Variants in UST observed in about 807,000 individuals in gnomAD.
The protein encoded by UST is chondroitin sulfate 2-O-sulfotransferase.
In UST, 21 loss-of-function variants were observed where a neutral mutation model predicts 45.6. That is an observed-to-expected ratio of 0.46 (90% confidence interval 0.33 to 0.66). The LOEUF (loss-of-function observed/expected upper bound fraction) is 0.66, where lower values mean the gene tolerates loss of function less well. Among genes scored for constraint, UST ranks in the 30% least tolerant of loss-of-function variants. The pLI, the probability that UST is intolerant of heterozygous loss-of-function variation, is 0.02. For synonymous variants in UST, 215 were observed against 200.6 expected (o/e 1.07, Z -0.61); for missense variants, 463 against 512.4 (o/e 0.90, Z 0.93).
intron 1 of UST, among the ~76,000 whole-genome samples, chr6:148,854,872 G>C (rs1181412970): frequency 2.0e-5 from 3 of 152,140 alleles, no homozygotes; most frequent in Non-Finnish European, 4.4e-5. Flanking sequence ...TATTCGCTAG[G>C]GGTCTGTGTT....
chr6:148,913,603 T>C (rs1779521951), intron 2 of UST, among the ~76,000 whole-genome samples: 2 of 152,086 alleles, frequency 1.3e-5, no homozygotes, highest in Non-Finnish European at 2.9e-5. Context: ...GTAGTTATCC[T>C]TTTCTTAGGA....
intron 5 of UST, chr6:148,990,353 T>G (rs1562322595): frequency 4.1e-6 from 4 of 980,346 alleles, no homozygotes; most frequent in Non-Finnish European, 4.8e-6. Context: ...ATGAGATCTT[T>G]CTTTCTTTTA....
chr6:148,964,453 C>A lies in UST; in HGVS notation c.571C>A (p.Pro191Thr). 6.2e-7 allele frequency: 1 copy of A among 1,614,102 alleles called. No individual in the cohort carries two copies. Among genetic ancestry groups the A allele is most frequent in the Non-Finnish European group, 8.5e-7 (1 of 1,180,030 alleles). The part of the protein sequence containing the change: ...QPVYINIIRD[P>T]VNRFLSNYFF... Reference sequence around the variant, plus strand: ...TGTCTACATCAACATCATTAGAGACCCCGTCAACCGGTTCTTATCCAACTA... The same window carrying A: ...TGTCTACATCAACATCATTAGAGACACCGTCAACCGGTTCTTATCCAACTA... Residue 191 changes from proline to threonine, a missense_variant, in exon 5 of 8, where the codon CCC (proline) becomes ACC (threonine). Coordinates refer to ENST00000367463, the MANE Select transcript of UST (RefSeq NM_005715.3).
intron 5 of UST, among the ~76,000 whole-genome samples, chr6:148,965,335 TG>T (rs1226003675): frequency 1.3e-5 from 2 of 152,188 alleles, no homozygotes; most frequent in East Asian, 3.9e-4. Context: ...GCTGACAGCC[TG>T]GTGCCCAGGA....
intron 2 of UST, among the ~76,000 whole-genome samples, chr6:148,916,330 G>A (rs1779589748): frequency 6.6e-6 from 1 of 152,210 alleles, no homozygotes; most frequent in Non-Finnish European, 1.5e-5. Context: ...GCACTATGCT[G>A]TATTGTAATA....
intron 2 of UST, among the ~76,000 whole-genome samples, chr6:148,932,520 TA>T (rs1452386500): frequency 6.6e-6 from 1 of 152,216 alleles, no homozygotes; most frequent in Admixed American, 6.5e-5. Context: ...CTCATATGTA[TA>T]TTTTTTTCAT....
chr6:148,901,408 T>C (rs541763559), intron 2 of UST, among the ~76,000 whole-genome samples: 76 of 152,256 alleles, frequency 5.0e-4, no homozygotes, highest in Middle Eastern at 6.8e-3. Flanking sequence ...ATAGCTTATA[T>C]AGCTCAGGGA....
intron 2 of UST, among the ~76,000 whole-genome samples, chr6:148,892,919 T>C (rs992445233): frequency 6.6e-6 from 1 of 152,190 alleles, no homozygotes; most frequent in African/African-American, 2.4e-5. Flanking sequence ...GCTGGACCCA[T>C]ATGGTAGTTG....
intron 5 of UST, among the ~76,000 whole-genome samples, chr6:148,974,427 G>A (rs57016453): frequency 0.045 from 6,908 of 152,160 alleles, 506 homozygotes; most frequent in African/African-American, 0.16. Flanking sequence ...AACAAACAAC[G>A]TTTGTTCCCT....
intron 7 of UST, among the ~76,000 whole-genome samples, chr6:149,057,081 A>G (rs1582980595): frequency 6.6e-6 from 1 of 152,354 alleles, no homozygotes; most frequent in East Asian, 1.9e-4. Context: ...TAAAACAAAA[A>G]ATGCAATAGG....
At chr6:148,977,352 T>C (rs1274451415) in intron 5 of UST, among the ~76,000 whole-genome samples, 1 of 152,098 alleles carries the variant, frequency 6.6e-6, no homozygotes, top group Non-Finnish European at 1.5e-5. Context: ...TATTTATATA[T>C]ACATTTTATT....
chr6:149,025,009 A>T (rs1776030774), intron 7 of UST, among the ~76,000 whole-genome samples: 1 of 152,222 alleles, frequency 6.6e-6, no homozygotes, highest in Non-Finnish European at 1.5e-5. Flanking sequence ...CAATACTAAA[A>T]ATATGTATAC....
intron 2 of UST, among the ~76,000 whole-genome samples, chr6:148,922,755 G>A (rs1450118473): frequency 1.3e-5 from 2 of 150,928 alleles, no homozygotes; most frequent in African/African-American, 4.9e-5. Context: ...TTACAGGCAT[G>A]AGCCACCATA....
At chr6:148,853,186 T>C (rs997002880) in intron 1 of UST, among the ~76,000 whole-genome samples, 1 of 152,168 alleles carries the variant, frequency 6.6e-6, no homozygotes, top group African/African-American at 2.4e-5. Context: ...GCTCCACTTA[T>C]AAGTGAGAAC....
At chr6:149,073,779 C>G in intron 7 of UST, 54 bp from the exon 8 acceptor site, 1 of 1,576,536 alleles carries the variant, frequency 6.3e-7, no homozygotes, top group Non-Finnish European at 8.6e-7. Flanking sequence ...TCGCCGGGAT[C>G]CCTTCTAAGC....
intron 7 of UST, among the ~76,000 whole-genome samples, chr6:149,056,580 C>T (rs1776569459): frequency 6.6e-6 from 1 of 152,084 alleles, no homozygotes; most frequent in Non-Finnish European, 1.5e-5. Flanking sequence ...AGAGTTTTGC[C>T]TGGTTAAAGC....
chr6:148,780,505 A>G (rs559963218), intron 1 of UST, among the ~76,000 whole-genome samples: 19 of 152,156 alleles, frequency 1.2e-4, no homozygotes, highest in East Asian at 1.2e-3. Flanking sequence ...GTTCTCATCA[A>G]TTAGCTCCCA....
At chr6:148,900,311 G>A (rs78303432) in intron 2 of UST, among the ~76,000 whole-genome samples, 2 of 152,112 alleles carry the variant, frequency 1.3e-5, no homozygotes, top group Non-Finnish European at 2.9e-5. Flanking sequence ...TATCGATATG[G>A]TTTGGCTGTG....
At chr6:148,762,152 AAG>A (rs1250991232) in intron 1 of UST, among the ~76,000 whole-genome samples, 2 of 152,216 alleles carry the variant, frequency 1.3e-5, no homozygotes, top group Admixed American at 6.5e-5. Flanking sequence ...CTGCGAGATA[AAG>A]AGTTTTCCCA....
Sources: gnomAD v4.1 joint callset for allele counts (sites outside exome capture counted in the v4.1 genomes callset) on GRCh38, gnomAD v4.1.1 for gene constraint, MANE v1.5 for transcripts, NCBI Gene and HGNC (gene_info 2026-07-23, HGNC 2026-07-21) for gene names.